ECE1: variants seen among roughly 807,000 people sequenced by gnomAD.
The protein encoded by ECE1 is endothelin converting enzyme 1.
In ECE1, 35 loss-of-function variants were observed where a neutral mutation model predicts 98.6. The observed-to-expected ratio is 0.35, with a 90% CI of 0.27 to 0.47. The LOEUF (loss-of-function observed/expected upper bound fraction) is 0.47, where lower values mean the gene tolerates loss of function less well. ECE1 is among the 20% of genes least tolerant of loss of function. The probability of loss-of-function intolerance (pLI) is 1.00; values close to 1 mark genes in which losing one functional copy is unlikely to be tolerated. For synonymous variants in ECE1, 394 were observed against 407.1 expected (o/e 0.97, Z 0.39); for missense variants, 814 against 1,025.3 (o/e 0.79, Z 2.81).
chr1:21,312,055 G>A lies in ECE1; in HGVS notation c.4-21899C>T, dbSNP rs150735968. Among the ~76,000 whole-genome samples the A allele has an allele frequency of 4.7e-3, 709 of 150,092 alleles. 2 individuals are homozygous for A. Among genetic ancestry groups the A allele is most frequent in the African/African-American group, 0.016 (649 of 40,712 alleles). On this transcript the variant is annotated intron_variant, in intron 1 of 18. Transcript: ENST00000415912. ...CAAGAATTGCTTGAACCCAGGAGGCGGAGGTTGCAGTGAACTGAGATCATG... is the reference window on the plus strand; with the variant it reads ...CAAGAATTGCTTGAACCCAGGAGGCAGAGGTTGCAGTGAACTGAGATCATG...
chr1:21,328,646 C>T (rs2774014), intron 1 of ECE1, among the ~76,000 whole-genome samples: 6,538 of 151,936 alleles, frequency 0.043, 476 homozygotes, highest in African/African-American at 0.15. Context: ...GCCTGTGATC[C>T]CAGCTACTCA....
chr1:21,279,522 C>G, intron 2 of ECE1, 190 bp from the exon 3 acceptor site: 1 of 1,460,746 alleles, frequency 6.8e-7, no homozygotes, highest in Non-Finnish European at 9.1e-7. Flanking sequence ...CTCAGCTGCT[C>G]GGATCTGCTC....
At chr1:21,267,858 G>A (rs1387720743) in intron 4 of ECE1, among the ~76,000 whole-genome samples, 5 of 152,116 alleles carry the variant, frequency 3.3e-5, no homozygotes, top group East Asian at 1.9e-4. Context: ...ATAAAAATAC[G>A]AGCGATGTCA....
intron 10 of ECE1, among the ~76,000 whole-genome samples, chr1:21,238,993 T>TA (rs1391867300): frequency 1.5e-4 from 23 of 151,158 alleles, no homozygotes; most frequent in African/African-American, 5.4e-4. Flanking sequence ...TTTTTCTATT[T>TA]AAAAATTTTT....
chr1:21,337,834 T>C (rs1369633512), intron 1 of ECE1, among the ~76,000 whole-genome samples: 1 of 152,190 alleles, frequency 6.6e-6, no homozygotes, highest in African/African-American at 2.4e-5. Context: ...GGTTTGAACC[T>C]GGGCCCATCA....
At chr1:21,278,772 G>T (rs1441467758) in intron 3 of ECE1, among the ~76,000 whole-genome samples, 1 of 152,166 alleles carries the variant, frequency 6.6e-6, no homozygotes, top group Non-Finnish European at 1.5e-5. Context: ...GCCTATGTGT[G>T]TAATTACCCC....
chr1:21,240,778 G>A (rs565931020), intron 10 of ECE1, among the ~76,000 whole-genome samples: 74 of 152,360 alleles, frequency 4.9e-4, no homozygotes, highest in Admixed American at 7.8e-4. Context: ...ATGTCAGGAC[G>A]AGGGGGACTC....
At chr1:21,221,718 T>C (rs762096421) in intron 18 of ECE1, 29 bp downstream of exon 18, 10 of 1,604,572 alleles carry the variant, frequency 6.2e-6, no homozygotes, top group South Asian at 4.4e-5. Context: ...GAATGTACCA[T>C]GTGTGGCATG....
chr1:21,309,769 T>TAACAAAACAAACATCTTGGC, intron 1 of ECE1, among the ~76,000 whole-genome samples: 1 of 149,524 alleles, frequency 6.7e-6, no homozygotes, highest in East Asian at 2.0e-4. Flanking sequence ...CTGGATTTTC[T>TAACAAAACAAACATCTTGGC]TTTTTTTTCT....
At chr1:21,279,808 C>T in intron 2 of ECE1, 4 of 859,876 alleles carry the variant, frequency 4.7e-6, no homozygotes, top group Non-Finnish European at 5.8e-6. Context: ...CCTCATAATC[C>T]CACGCAAAAA....
chr1:21,238,987 TC>T lies in ECE1; in HGVS notation c.1279-744del, dbSNP rs2098192042. Among the ~76,000 whole-genome samples, 6 of 151,452 alleles carry T rather than the reference TC, an allele frequency of 4.0e-5. No individual in the cohort carries two copies. The South Asian group carries it at 1.3e-3, about 32-fold the overall frequency. ...AGGCCACTATGCCTGGCTAATTTTT[TC>T]TATTTAAAAATTTTTTTTTTTTTTT... is the stretch of plus-strand genomic sequence containing the variant. On this transcript the variant is annotated intron_variant, in intron 10 of 18. Transcript: ENST00000374893.
chr1:21,291,565 C>A (rs2098266646), upstream of ECE1, among the ~76,000 whole-genome samples: 1 of 152,162 alleles, frequency 6.6e-6, no homozygotes, highest in African/African-American at 2.4e-5. Context: ...CTCGCTCGCG[C>A]CTGTAATCCC....
chr1:21,247,448 A>T, intron 8 of ECE1, 85 bp from the exon 9 acceptor site: 1 of 1,602,962 alleles, frequency 6.2e-7, no homozygotes, highest in Non-Finnish European at 8.5e-7. Flanking sequence ...ACAGGAAGCA[A>T]AGGAAAGAGC....
rs758951587 is a variant in ECE1, at chr1:21,272,394, C to T, written c.493+305G>A. On this transcript the variant is annotated intron_variant, in intron 4 of 18. Coordinates refer to ENST00000374893, the MANE Select transcript of ECE1 (RefSeq NM_001397.3). ...GCAACCTCTGCCTCCCAGTTTCAAGCGATTCTCCTGCCTCAGCCTCCCGAG... is the reference window on the plus strand; with the variant it reads ...GCAACCTCTGCCTCCCAGTTTCAAGTGATTCTCCTGCCTCAGCCTCCCGAG... 1.5e-4 allele frequency among the ~76,000 whole-genome samples: 23 copies of T among 152,150 alleles called. 1 individual carries two copies. Among genetic ancestry groups the T allele is most frequent in the African/African-American group, 4.1e-4 (17 of 41,436 alleles).
chr1:21,302,840 G>A (rs955833290), intron 1 of ECE1, among the ~76,000 whole-genome samples: 1 of 152,290 alleles, frequency 6.6e-6, no homozygotes, highest in Middle Eastern at 3.4e-3. Flanking sequence ...CAAATGACAG[G>A]CTTGTCCAGA....
chr1:21,335,178 C>A (rs1639282456), intron 1 of ECE1, among the ~76,000 whole-genome samples: 1 of 152,088 alleles, frequency 6.6e-6, no homozygotes, highest in South Asian at 2.1e-4. Flanking sequence ...CCCCCGCCCC[C>A]GTCTTTGCCC....
chr1:21,253,513 A>G (rs1483883834), intron 8 of ECE1, among the ~76,000 whole-genome samples: 1 of 151,958 alleles, frequency 6.6e-6, no homozygotes, highest in Non-Finnish European at 1.5e-5. Flanking sequence ...CTGTAATCCC[A>G]ACACTCTGGG....
At chr1:21,316,752 A>G (rs1391298793) in intron 1 of ECE1, among the ~76,000 whole-genome samples, 1 of 152,214 alleles carries the variant, frequency 6.6e-6, no homozygotes, top group African/African-American at 2.4e-5. Context: ...CATGGGATGG[A>G]ATACTACACG....
intron 10 of ECE1, among the ~76,000 whole-genome samples, chr1:21,238,923 T>C (rs550419860): frequency 6.6e-6 from 1 of 152,174 alleles, no homozygotes; most frequent in East Asian, 1.9e-4. Context: ...CAAGTGATCT[T>C]CCCACCTTAG....
Sources: gnomAD v4.1 joint callset for allele counts (sites outside exome capture counted in the v4.1 genomes callset) on GRCh38, gnomAD v4.1.1 for gene constraint, MANE v1.5 for transcripts, NCBI Gene and HGNC (gene_info 2026-07-23, HGNC 2026-07-21) for gene names.